MORN4: variants seen among roughly 807,000 people sequenced by gnomAD.
The protein encoded by MORN4 is MORN repeat-containing protein 4.
In MORN4, 8 loss-of-function variants were observed where a neutral mutation model predicts 16.4. The observed-to-expected ratio is 0.49, with a 90% CI of 0.29 to 0.88. The LOEUF (loss-of-function observed/expected upper bound fraction) is 0.88. Among genes scored for constraint, MORN4 ranks in the 40% least tolerant of loss-of-function variants. The probability of loss-of-function intolerance (pLI) is 0.09; values close to 1 mark genes in which losing one functional copy is unlikely to be tolerated. For synonymous variants in MORN4, 53 were observed against 68.9 expected, an observed-to-expected ratio of 0.77 and a Z score of 1.14; for missense variants, 159 against 182.9, an observed-to-expected ratio of 0.87 and a Z score of 0.75.
intron 1 of MORN4, among the ~76,000 whole-genome samples, chr10:97,626,735 C>T (rs1296404310): frequency 6.8e-6 from 1 of 147,828 alleles, no homozygotes; most frequent in East Asian, 2.0e-4. Flanking sequence ...GGATTACAGG[C>T]ATGAGCCACT....
Position 97,618,167 on chromosome 10 carries a change from A to T in MORN4, c.68-845T>A, listed in dbSNP as rs887120661. ...CACTCCAGCTCGGGCAACAAGAGCA[A>T]AACTCCATCTCAAAATAAATAAATA... On this transcript the variant is annotated intron_variant, in intron 2 of 4. Coordinates refer to ENST00000307450, the MANE Select transcript of MORN4 (RefSeq NM_178832.4). 2.0e-5 allele frequency among the ~76,000 whole-genome samples: 3 copies of T among 152,076 alleles called. No homozygotes were observed. The East Asian group carries it at 5.8e-4, about 29-fold the overall frequency.
chr10:97,626,754 A>T (rs76462454), intron 1 of MORN4, among the ~76,000 whole-genome samples: 5 of 110,984 alleles, frequency 4.5e-5, no homozygotes, highest in Admixed American at 2.1e-4. Context: ...CTGTGCCCAG[A>T]TTTTTTTTTT....
intron 1 of MORN4, among the ~76,000 whole-genome samples, chr10:97,626,892 G>T (rs2041353111): frequency 6.6e-6 from 1 of 151,632 alleles, no homozygotes; most frequent in Non-Finnish European, 1.5e-5. Flanking sequence ...CAAGTAGCTG[G>T]GATTACAGGC....
At chr10:97,620,610 C>G (rs2041281860) in intron 1 of MORN4, among the ~76,000 whole-genome samples, 1 of 151,380 alleles carries the variant, frequency 6.6e-6, no homozygotes, top group South Asian at 2.1e-4. Context: ...GAAGCCTGGT[C>G]TCATTACAGT....
chr10:97,619,868 G>A (rs1253358586), intron 1 of MORN4, among the ~76,000 whole-genome samples, 185 bp from the exon 2 acceptor site: 1 of 152,014 alleles, frequency 6.6e-6, no homozygotes, highest in Non-Finnish European at 1.5e-5. Flanking sequence ...CTCTGCCCAA[G>A]TGCTCTTATC....
chr10:97,625,202 G>C (rs2041336602), intron 1 of MORN4, among the ~76,000 whole-genome samples: 1 of 152,194 alleles, frequency 6.6e-6, no homozygotes, highest in South Asian at 2.1e-4. Flanking sequence ...AGTTCTTACA[G>C]TAACTTGCTA....
chr10:97,622,693 C>CAAAAAAAAAAA (rs1322656539), intron 1 of MORN4, among the ~76,000 whole-genome samples: 19 of 55,842 alleles, frequency 3.4e-4, no homozygotes, highest in African/African-American at 1.0e-3. Flanking sequence ...GACCCTGTCT[C>CAAAAAAAAAAA]AAAAAAAAAA....
intron 1 of MORN4, among the ~76,000 whole-genome samples, chr10:97,630,515 C>G (rs145747812): frequency 0.012 from 1,792 of 152,344 alleles, 26 homozygotes; most frequent in Middle Eastern, 0.02. Flanking sequence ...TCCATTTTGA[C>G]TTAGGCACAT....
At chr10:97,626,398 C>CATAATA (rs2041347375) in intron 1 of MORN4, among the ~76,000 whole-genome samples, 1 of 14,812 alleles carries the variant, frequency 6.8e-5, no homozygotes, top group South Asian at 2.2e-3. Context: ...TAATAATAAT[C>CATAATA]ATAATCATAA....
chr10:97,628,021 C>T (rs750671032), intron 1 of MORN4, among the ~76,000 whole-genome samples: 10 of 152,186 alleles, frequency 6.6e-5, no homozygotes, highest in South Asian at 2.1e-4. Context: ...CAGAAGAAAA[C>T]GCTTTCCAGT....
intron 1 of MORN4, among the ~76,000 whole-genome samples, chr10:97,628,023 C>T (rs1339066772): frequency 6.6e-6 from 1 of 152,194 alleles, no homozygotes; most frequent in Non-Finnish European, 1.5e-5. Context: ...GAAGAAAACG[C>T]TTTCCAGTAC....
chr10:97,618,396 C>CTGGGATTACAAAGTGT (rs1170724348), intron 2 of MORN4, among the ~76,000 whole-genome samples: 1 of 151,204 alleles, frequency 6.6e-6, no homozygotes, highest in East Asian at 2.0e-4. Flanking sequence ...TCCCCAGTAG[C>CTGGGATTACAAAGTGT]TGGGATTACA....
Position 97,615,119 on chromosome 10 carries a change from T to C in MORN4, c.*1144A>G, listed in dbSNP as rs1294616340. 14 of 152,640 alleles carry C rather than the reference T, an allele frequency of 9.2e-5. No homozygotes were observed. The highest frequency in any genetic ancestry group is 9.2e-4 in the Admixed American group (14 of 15,274). 9.5% of individuals were successfully genotyped at this position (152,640 alleles called of 1,614,324 possible). A position where few individuals can be genotyped will look rare whatever the true frequency, so the allele number is the denominator to read the frequency against. Reference sequence around the variant, plus strand: ...GAAGGAGAGAGGCACACATGGGGATTATCTGCTCTAAGTTGATGAAAGAAG... The same window carrying C: ...GAAGGAGAGAGGCACACATGGGGATCATCTGCTCTAAGTTGATGAAAGAAG... On this transcript the variant is annotated 3_prime_UTR_variant, in exon 5 of 5. Transcript: ENST00000307450.
At chr10:97,633,887 G>GCGC (rs1447089819), upstream of MORN4, among the ~76,000 whole-genome samples, 72 of 152,340 alleles carry the variant, frequency 4.7e-4, no homozygotes, top group African/African-American at 1.6e-3. The surrounding 1 kb of genome is among the most constrained non-coding windows in gnomAD (Gnocchi z 4.5). Flanking sequence ...GCGCTAGGCA[G>GCGC]GATAGCCTCC....
Position 97,616,360 on chromosome 10 carries a change from A to T in MORN4, c.344T>A (p.Leu115His). The change falls in exon 5 of 5, where the codon CTC (leucine) becomes CAC (histidine). Residue 115 changes from leucine (L) to histidine (H), a missense_variant. Transcript: ENST00000307450. ...TCGCAGCAGCTTGTTGTTCTCAAAG[A>T]GACCTTCATTGCGGGGGATTCCATG... ...GSHGIPRNEG[L>H]FENNKLLRRE... 2 of 1,613,080 alleles carry T rather than the reference A, an allele frequency of 1.2e-6. No homozygotes were observed. Among genetic ancestry groups the T allele is most frequent in the Admixed American group, 1.7e-5 (1 of 59,814 alleles).
chr10:97,625,080 G>T (rs1277054719), intron 1 of MORN4, among the ~76,000 whole-genome samples: 1 of 152,180 alleles, frequency 6.6e-6, no homozygotes, highest in South Asian at 2.1e-4. Context: ...CCACTTTAGG[G>T]ATGAGGAAAC....
At chr10:97,623,263 C>T (rs1355494753) in intron 1 of MORN4, among the ~76,000 whole-genome samples, 1 of 152,140 alleles carries the variant, frequency 6.6e-6, no homozygotes, top group Non-Finnish European at 1.5e-5. Flanking sequence ...GAAAAGTTCT[C>T]TGAACTATAA....
chr10:97,630,508 A>AT (rs1371673056), intron 1 of MORN4, among the ~76,000 whole-genome samples: 1 of 152,186 alleles, frequency 6.6e-6, no homozygotes, highest in African/African-American at 2.4e-5. Flanking sequence ...CTTCCATTCC[A>AT]TTTTGACTTA....
At chr10:97,616,549 G>T in intron 4 of MORN4, 129 bp downstream of exon 4, 1 of 1,232,908 alleles carries the variant, frequency 8.1e-7, no homozygotes, top group Non-Finnish European at 1.2e-6. Context: ...CTATTGATGA[G>T]TTCAATGGAT....
Sources: allele counts gnomAD v4.1 joint callset (sites outside exome capture counted in the v4.1 genomes callset), GRCh38; gene constraint gnomAD v4.1.1; non-coding constraint Gnocchi (gnomAD v3.1); transcripts MANE v1.5; gene names NCBI Gene and HGNC (gene_info 2026-07-23, HGNC 2026-07-21).